KCTD1: variants seen among roughly 807,000 people sequenced by gnomAD.
KCTD1 encodes the protein potassium channel tetramerization domain containing 1.
A neutral mutation model predicts 66.0 loss-of-function variants in KCTD1; 24 were observed. That is an observed-to-expected ratio of 0.36 (90% CI 0.26 to 0.51). The LOEUF (loss-of-function observed/expected upper bound fraction) is 0.51. Among genes scored for constraint, KCTD1 ranks in the 20% least tolerant of loss-of-function variants. The probability of loss-of-function intolerance (pLI) is 0.95; values close to 1 mark genes in which losing one functional copy is unlikely to be tolerated. For synonymous variants in KCTD1, 511 were observed against 517.2 expected, an observed-to-expected ratio of 0.99 and a Z score of 0.16; for missense variants, 943 against 1,205.2, an observed-to-expected ratio of 0.78 and a Z score of 3.22.
Position 26,545,896 on chromosome 18 carries a change from T to C in KCTD1, c.1809+832A>G, listed in dbSNP as rs537997757. On this transcript the variant is annotated intron_variant, in intron 1 of 4. Transcript: ENST00000580059. Reference sequence around the variant, plus strand: ...GTTTCTTCCTCTTTGATGAGGATAGTGAAGCCAAGGAGAAGTGAAGTGATT... The same window carrying C: ...GTTTCTTCCTCTTTGATGAGGATAGCGAAGCCAAGGAGAAGTGAAGTGATT... The C allele has an allele frequency of 1.3e-4, 20 of 152,246 alleles. No homozygotes were observed. In the South Asian group the frequency reaches 4.1e-3, roughly 32 times the overall value. 9.4% of individuals were successfully genotyped at this position (152,246 alleles called of 1,614,324 possible).
At position 26,483,829 on chromosome 18, in the gene KCTD1, G is replaced by A. The variant is rs1439152936; in HGVS notation, c.1989-7170C>T. On this transcript the variant is annotated intron_variant, in intron 2 of 4. Coordinates refer to ENST00000580059, the MANE Select transcript of KCTD1 (RefSeq NM_001142730.3). ...GTGCAACCTAAACTCAGGACAGCAGGAAGGGAAGGAGTCGTGGAGAGAGGA... is the reference window on the plus strand; with the variant it reads ...GTGCAACCTAAACTCAGGACAGCAGAAAGGGAAGGAGTCGTGGAGAGAGGA... Among the ~76,000 whole-genome samples the A allele has an allele frequency of 2.0e-5, 3 of 152,094 alleles. No homozygotes were observed. In the East Asian group the frequency reaches 5.8e-4, roughly 29 times the overall value.
chr18:26,556,583 G>A (rs1985712541), intron 1 of KCTD1, among the ~76,000 whole-genome samples: 1 of 152,238 alleles, frequency 6.6e-6, no homozygotes, highest in Non-Finnish European at 1.5e-5. Flanking sequence ...GATTTGGGAA[G>A]TACAGAAATC....
rs1415190573 is a variant in KCTD1, at chr18:26,548,511, TC to T, written c.25del (p.Asp9ThrfsTer63). 8.1e-7 allele frequency: 1 copy of T among 1,238,412 alleles called. No homozygotes were observed. Among genetic ancestry groups the T allele is most frequent in the Non-Finnish European group, 1.0e-6 (1 of 996,406 alleles). 76.7% of individuals were successfully genotyped at this position (1,238,412 alleles called of 1,614,324 possible). A position where few individuals can be genotyped will look rare whatever the true frequency, so the allele number is the denominator to read the frequency against. On this transcript the variant is annotated frameshift_variant, in exon 1 of 5. Coordinates refer to ENST00000580059, the MANE Select transcript of KCTD1 (RefSeq NM_001142730.3). LOFTEE classifies it high-confidence loss of function. MARMPGSG[D>X]CNTSAGGSAS... is the part of the protein sequence containing the mutation. ...GCTGCCGCCCGCGCTGGTGTTACAGTCCCCGCTGCCAGGCATTCTCGCCATA... is the reference window on the plus strand; with the variant it reads ...GCTGCCGCCCGCGCTGGTGTTACAGTCCCGCTGCCAGGCATTCTCGCCATA...
chr18:26,630,062 G>A (rs1445153276), upstream of KCTD1, among the ~76,000 whole-genome samples: 1 of 152,124 alleles, frequency 6.6e-6, no homozygotes, highest in Non-Finnish European at 1.5e-5. Flanking sequence ...GATCAGCAAG[G>A]TCAAAACTGT....
chr18:26,532,888 C>G (rs1453455998), intron 1 of KCTD1, among the ~76,000 whole-genome samples: 1 of 152,212 alleles, frequency 6.6e-6, no homozygotes, highest in Non-Finnish European at 1.5e-5. Context: ...ACTGTCAAGT[C>G]CATGGGAAAC....
intron 1 of KCTD1, among the ~76,000 whole-genome samples, chr18:26,620,633 G>A (rs1324564920): frequency 1.3e-5 from 2 of 151,632 alleles, no homozygotes; most frequent in Non-Finnish European, 2.9e-5. Flanking sequence ...ACAGGGTTTC[G>A]CCATGTTGCC....
intron 3 of KCTD1, among the ~76,000 whole-genome samples, chr18:26,475,505 G>A (rs769447142): frequency 3.9e-5 from 6 of 152,046 alleles, no homozygotes; most frequent in Non-Finnish European, 2.9e-5. Flanking sequence ...TATAATTTTT[G>A]TTGTATATTT....
At chr18:26,640,560 T>C (rs1568017941), upstream of KCTD1, among the ~76,000 whole-genome samples, 1 of 152,074 alleles carries the variant, frequency 6.6e-6, no homozygotes, top group Non-Finnish European at 1.5e-5. Context: ...GGCACCATGA[T>C]GCATCTGCAC....
chr18:26,459,669 T>C lies in KCTD1; in HGVS notation c.2390A>G (p.His797Arg). Reference sequence around the variant, plus strand: ...GCCATTTAGTGGAAACCTGATGACGTGCGTCGAGTCGTGATTCCAGCCTGC... The same window carrying C: ...GCCATTTAGTGGAAACCTGATGACGCGCGTCGAGTCGTGATTCCAGCCTGC... Reference protein sequence around the residue: ...VNAGWNHDSTHVIRFPLNGYC... With the variant: ...VNAGWNHDSTRVIRFPLNGYC... Residue 797 changes from histidine to arginine, a missense_variant, in exon 4 of 5, where the codon CAC becomes CGC. His to Arg is a conservative substitution (Grantham distance 29). Transcript: ENST00000580059. 1 of 1,611,686 alleles carries C rather than the reference T, an allele frequency of 6.2e-7. No individual in the cohort carries two copies. Among genetic ancestry groups the C allele is most frequent in the Non-Finnish European group, 8.5e-7 (1 of 1,178,214 alleles).
intron 1 of KCTD1, among the ~76,000 whole-genome samples, chr18:26,637,621 T>G (rs1044692377): frequency 2.0e-5 from 3 of 152,130 alleles, no homozygotes; most frequent in Non-Finnish European, 4.4e-5. Flanking sequence ...GTCGCTTCAG[T>G]GGGATGAGGC....
At chr18:26,598,471 T>TACACACACTC (rs1986818555) in intron 1 of KCTD1, among the ~76,000 whole-genome samples, 1 of 149,668 alleles carries the variant, frequency 6.7e-6, no homozygotes, top group Non-Finnish European at 1.5e-5. Context: ...TCTCTTTTTT[T>TACACACACTC]ACACACACAC....
intron 1 of KCTD1, among the ~76,000 whole-genome samples, chr18:26,517,250 A>G (rs1983697141): frequency 6.6e-6 from 1 of 152,084 alleles, no homozygotes; most frequent in Non-Finnish European, 1.5e-5. Context: ...CATAATCCCC[A>G]TGTGTTGTGG....
chr18:26,472,684 C>T (rs944447316), intron 3 of KCTD1, among the ~76,000 whole-genome samples: 4 of 152,204 alleles, frequency 2.6e-5, no homozygotes, highest in African/African-American at 9.6e-5. Flanking sequence ...TGGGGAGCGC[C>T]CGACGTTGGT....
At chr18:26,611,516 A>C (rs888122715) in intron 1 of KCTD1, among the ~76,000 whole-genome samples, 1 of 152,066 alleles carries the variant, frequency 6.6e-6, no homozygotes, top group African/African-American at 2.4e-5. Context: ...ACACTCAGCT[A>C]ATTTTTATAT....
chr18:26,514,549 CAAAAAAAAA>C lies in KCTD1; in HGVS notation c.1810-13308_1810-13300del, dbSNP rs200444964. On this transcript the variant is annotated intron_variant, in intron 1 of 4. Coordinates refer to ENST00000580059, the MANE Select transcript of KCTD1 (RefSeq NM_001142730.3). ...CAGGCAACAGAGTGAGACCTTGTCT[CAAAAAAAAA>C]AAAAAAAAAAAAAGAAATGGCAGAG... is the stretch of plus-strand genomic sequence containing the variant. Among the ~76,000 whole-genome samples the C allele has an allele frequency of 1.7e-3, 204 of 121,814 alleles. 1 individual carries two copies. The highest frequency in any genetic ancestry group is 0.012 in the Middle Eastern group (3 of 246). 79.9% of individuals were successfully genotyped at this position (121,814 alleles called of 152,430 possible).
Position 26,547,011 on chromosome 18 carries a change from G to T in KCTD1, c.1526C>A (p.Ser509Ter). 6.7e-7 allele frequency: 1 copy of T among 1,485,286 alleles called. No individual in the cohort carries two copies. 92.0% of individuals were successfully genotyped at this position (1,485,286 alleles called of 1,614,324 possible). A position where few individuals can be genotyped will look rare whatever the true frequency, so the allele number is the denominator to read the frequency against. Residue 509 changes from serine (S) to a stop codon, truncating the protein, a stop_gained, in exon 1 of 5, where the codon TCG (serine) becomes TAG (stop). Transcript: ENST00000580059. LOFTEE classifies it high-confidence loss of function. ...GGGGAGGATGTAAGTGTTCCCCAGC[G>T]AGGGCGGCTGGGGGCGGTGGTGGTG... Reference protein sequence around the residue: ...PSHHHRPQPPSLGNTYILPKD... With the variant: ...PSHHHRPQPP
chr18:26,637,984 G>A (rs187336386), intron 1 of KCTD1, among the ~76,000 whole-genome samples: 1 of 152,264 alleles, frequency 6.6e-6, no homozygotes, highest in Non-Finnish European at 1.5e-5. Flanking sequence ...GATTTTGTAG[G>A]CTGGCTCTCC....
intron 1 of KCTD1, among the ~76,000 whole-genome samples, chr18:26,511,543 C>T (rs140385263): frequency 6.6e-6 from 1 of 152,332 alleles, no homozygotes; most frequent in African/African-American, 2.4e-5. Context: ...GGCAATGAAA[C>T]AGCGTCTAAC....
upstream of KCTD1, chr18:26,548,643 G>A: frequency 8.8e-7 from 1 of 1,138,254 alleles, no homozygotes; most frequent in Non-Finnish European, 1.1e-6. Context: ...AGGCAAAGCC[G>A]GGCTCTTAAA....
Sources: gnomAD v4.1 joint callset for allele counts (sites outside exome capture counted in the v4.1 genomes callset) on GRCh38, gnomAD v4.1.1 for gene constraint, MANE v1.5 for transcripts, NCBI Gene and HGNC (gene_info 2026-07-23, HGNC 2026-07-21) for gene names.